Variants in NRCAM observed in about 807,000 individuals in gnomAD.
NRCAM encodes the protein NgCAM-related cell adhesion molecule.
NRCAM carries 83 observed loss-of-function variants against 156.5 expected under a neutral mutation model. The ratio of observed to expected loss-of-function variants is 0.53; its 90% confidence interval spans 0.44 to 0.64. The LOEUF (loss-of-function observed/expected upper bound fraction) is 0.64. Among genes scored for constraint, NRCAM ranks in the 30% least tolerant of loss-of-function variants. The pLI is 0.00. For missense variants in NRCAM, 1,417 were observed against 1,597.3 expected (o/e 0.89, Z 1.92); for synonymous variants, 538 against 563.9 (o/e 0.95, Z 0.65).
chr7:108,236,094 C>T (rs1257017905), intron 5 of NRCAM, among the ~76,000 whole-genome samples: 1 of 152,116 alleles, frequency 6.6e-6, no homozygotes. Flanking sequence ...TTCCACTTGC[C>T]AACCAAACAT....
intron 3 of NRCAM, among the ~76,000 whole-genome samples, chr7:108,303,493 C>A (rs1432056327): frequency 6.6e-6 from 1 of 152,208 alleles, no homozygotes; most frequent in Non-Finnish European, 1.5e-5. Context: ...CCAATCTATT[C>A]TACATATAGC....
chr7:108,426,547 C>T (rs892574710), intron 1 of NRCAM, among the ~76,000 whole-genome samples: 2 of 152,176 alleles, frequency 1.3e-5, no homozygotes, highest in African/African-American at 4.8e-5. Flanking sequence ...AGCCCACCCC[C>T]CTTATAAAAC....
At chr7:108,177,907 G>A in intron 26 of NRCAM, 83 bp downstream of exon 26, 6 of 1,272,054 alleles carry the variant, frequency 4.7e-6, no homozygotes, top group Non-Finnish European at 6.5e-6. Context: ...CGTACCCCAT[G>A]AGGAGGTATA....
At chr7:108,441,285 T>A (rs1031291370) in intron 1 of NRCAM, among the ~76,000 whole-genome samples, 4 of 152,232 alleles carry the variant, frequency 2.6e-5, no homozygotes, top group Non-Finnish European at 5.9e-5. Context: ...TTAAAACTAA[T>A]AATGTACATA....
At chr7:108,296,242 A>C (rs118088383) in intron 3 of NRCAM, among the ~76,000 whole-genome samples, 1,715 of 152,130 alleles carry the variant, frequency 0.011, 21 homozygotes, top group Middle Eastern at 0.027. Context: ...AAGCTAGGAA[A>C]ACTTCTCTGT....
intron 3 of NRCAM, among the ~76,000 whole-genome samples, chr7:108,254,727 T>A (rs1386585687): frequency 6.6e-6 from 1 of 152,064 alleles, no homozygotes; most frequent in Non-Finnish European, 1.5e-5. Flanking sequence ...TTTTTTTTAT[T>A]ACTTGTAGAG....
At chr7:108,359,130 T>G (rs2099530561) in intron 2 of NRCAM, among the ~76,000 whole-genome samples, 1 of 152,174 alleles carries the variant, frequency 6.6e-6, no homozygotes, top group Non-Finnish European at 1.5e-5. Flanking sequence ...TCCCTCCCCA[T>G]TGCCCCACAC....
At chr7:108,368,581 T>A (rs2099608514) in intron 2 of NRCAM, among the ~76,000 whole-genome samples, 1 of 152,154 alleles carries the variant, frequency 6.6e-6, no homozygotes, top group South Asian at 2.1e-4. Context: ...TGACGAGACA[T>A]ATATTTCACT....
At chr7:108,370,153 G>T (rs2099619183) in intron 2 of NRCAM, among the ~76,000 whole-genome samples, 1 of 151,990 alleles carries the variant, frequency 6.6e-6, no homozygotes, top group Non-Finnish European at 1.5e-5. Context: ...ATCTCAAAGT[G>T]CCCCAGAGAT....
At chr7:108,203,640 G>T (rs1015495626) in intron 13 of NRCAM, among the ~76,000 whole-genome samples, 1 of 152,150 alleles carries the variant, frequency 6.6e-6, no homozygotes, top group Non-Finnish European at 1.5e-5. Flanking sequence ...TTAGGTGCTC[G>T]CCTGCAAGTC....
In NRCAM at chr7:108,411,349, A is replaced by C. The variant is rs370980120; in HGVS notation, c.-331-11756T>G. Among the ~76,000 whole-genome samples, 93 of 152,326 alleles carry C rather than the reference A, an allele frequency of 6.1e-4. 1 individual carries two copies. In the East Asian group the frequency reaches 0.018, roughly 29 times the overall value. On this transcript the variant is annotated intron_variant, in intron 1 of 32. Coordinates refer to ENST00000379028, the MANE Select transcript of NRCAM (RefSeq NM_001037132.4). ...AATGCATGAATACTTGCAGGAGCTA[A>C]CAGGATAAAAAGGAAAAGGTCCCTG...
intron 5 of NRCAM, among the ~76,000 whole-genome samples, chr7:108,236,836 G>A (rs963689292): frequency 2.0e-5 from 3 of 152,028 alleles, no homozygotes; most frequent in East Asian, 3.9e-4. Context: ...AGGGAGTGGG[G>A]GAGGGGATTC....
intron 2 of NRCAM, among the ~76,000 whole-genome samples, chr7:108,315,575 C>T (rs1332080706): frequency 6.6e-6 from 1 of 152,196 alleles, no homozygotes; most frequent in Non-Finnish European, 1.5e-5. Flanking sequence ...ACCCAGAGGG[C>T]CCTCCCTCTA....
At chr7:108,209,292 G>C in intron 12 of NRCAM, 129 bp downstream of exon 12, 1 of 624,032 alleles carries the variant, frequency 1.6e-6, no homozygotes, top group Non-Finnish European at 2.6e-6. Context: ...AATGAGAAGA[G>C]AGTCAAGGTA....
At chr7:108,415,074 G>A (rs1160947133) in intron 1 of NRCAM, among the ~76,000 whole-genome samples, 6 of 152,170 alleles carry the variant, frequency 3.9e-5, no homozygotes, top group Non-Finnish European at 2.9e-5. Flanking sequence ...TTTCTTAGGA[G>A]GTTGCAGTAT....
At chr7:108,257,005 GAAAAAA>G (rs777855116) in intron 3 of NRCAM, among the ~76,000 whole-genome samples, 1 of 50,006 alleles carries the variant, frequency 2.0e-5, no homozygotes, top group Non-Finnish European at 4.0e-5. Context: ...GAAGACTGTC[GAAAAAA>G]AAAAAAAAGA....
chr7:108,236,331 T>TAA (rs1207543588), intron 5 of NRCAM, among the ~76,000 whole-genome samples: 11 of 152,210 alleles, frequency 7.2e-5, no homozygotes, highest in Non-Finnish European at 1.3e-4. Flanking sequence ...TGTCATCATT[T>TAA]ATTGTGTACT....
At chr7:108,379,847 G>A (rs1469085370) in intron 2 of NRCAM, among the ~76,000 whole-genome samples, 1 of 151,986 alleles carries the variant, frequency 6.6e-6, no homozygotes, top group African/African-American at 2.4e-5. Context: ...CACGAGCAGA[G>A]GGAAAATATA....
At chr7:108,355,286 T>A (rs191738342) in intron 2 of NRCAM, among the ~76,000 whole-genome samples, 61 of 152,362 alleles carry the variant, frequency 4.0e-4, no homozygotes, top group African/African-American at 1.4e-3. Context: ...AAATTGAGAA[T>A]ACTTGTTATC....
Sources: gnomAD v4.1 joint callset for allele counts (sites outside exome capture counted in the v4.1 genomes callset) on GRCh38, gnomAD v4.1.1 for gene constraint, MANE v1.5 for transcripts, NCBI Gene and HGNC (gene_info 2026-07-23, HGNC 2026-07-21) for gene names.